The following SPG11 variants were observed in gnomAD, a reference collection of about 807,000 sequenced individuals.
SPG11 encodes SPG11 vesicle trafficking associated, spatacsin, also known as spatacsin.
Under a neutral mutation model 274.0 loss-of-function variants are expected in SPG11, and 222 were observed. That is an observed-to-expected ratio of 0.81 (90% CI 0.73 to 0.91). The LOEUF is 0.91. Ranked by LOEUF, SPG11 falls within the 40% of genes least tolerant of loss-of-function variation. The pLI is 0.00. For synonymous variants in SPG11, 1,144 were observed against 1,039.7 expected, an observed-to-expected ratio of 1.10 and a Z score of -1.93; for missense variants, 3,114 against 2,872.7, an observed-to-expected ratio of 1.08 and a Z score of -1.92.
chr15:44,613,591 T>G (rs964599919), intron 16 of SPG11, 55 bp from the exon 17 acceptor site: 30 of 1,180,108 alleles, frequency 2.5e-5, no homozygotes, highest in Non-Finnish European at 3.7e-5. Context: ...ATAAGACAAT[T>G]ACAACCATTT....
chr15:44,622,093 A>C lies in SPG11; in HGVS notation c.2444+127T>G, dbSNP rs1055936707. 1.4e-5 allele frequency: 18 copies of C among 1,251,988 alleles called. 1 individual carries two copies. In the Admixed American group the frequency reaches 2.4e-4, roughly 16 times the overall value. 77.6% of individuals were successfully genotyped at this position (1,251,988 alleles called of 1,614,324 possible). ...AACTCTCGAGTCCCTTCTGTCTGAT[A>C]CAAGTTTTATCTCCAAGGAGAATGC... is the stretch of plus-strand genomic sequence containing the variant. On this transcript the variant is annotated intron_variant, in intron 13 of 39. Transcript: ENST00000261866.
intron 39 of SPG11, among the ~76,000 whole-genome samples, chr15:44,563,547 A>G (rs1340201073): frequency 1.3e-5 from 2 of 152,194 alleles, no homozygotes; most frequent in East Asian, 3.8e-4. Context: ...TATGTTGGCT[A>G]GGCTGGTGTT....
chr15:44,569,373 C>G, intron 35 of SPG11, 25 bp downstream of exon 35: 1 of 1,504,012 alleles, frequency 6.6e-7, no homozygotes, highest in Non-Finnish European at 9.2e-7. Context: ...ACACCCCATC[C>G]TGGAGCTCAT....
At chr15:44,626,890 G>C (rs2083916387) in intron 10 of SPG11, among the ~76,000 whole-genome samples, 1 of 151,978 alleles carries the variant, frequency 6.6e-6, no homozygotes, top group South Asian at 2.1e-4. Context: ...ACCAGTAAGT[G>C]TTCCGTAGAT....
intron 27 of SPG11, among the ~76,000 whole-genome samples, chr15:44,591,687 G>T (rs1029096713): frequency 2.0e-5 from 3 of 152,214 alleles, no homozygotes; most frequent in African/African-American, 7.2e-5. Context: ...GTGAAGACCA[G>T]TGTGGCCGGA....
At chr15:44,594,367 A>G (rs2082978807) in intron 26 of SPG11, among the ~76,000 whole-genome samples, 1 of 151,718 alleles carries the variant, frequency 6.6e-6, no homozygotes, top group African/African-American at 2.4e-5. Flanking sequence ...CGGAGGTTGC[A>G]GTGAGCCGAG....
intron 20 of SPG11, among the ~76,000 whole-genome samples, chr15:44,602,304 A>G (rs186791839): frequency 6.6e-6 from 1 of 152,214 alleles, no homozygotes; most frequent in African/African-American, 2.4e-5. Flanking sequence ...ATCTTAGAGG[A>G]AAAGCTTTCA....
chr15:44,601,784 C>T (rs1413685476), intron 20 of SPG11, among the ~76,000 whole-genome samples: 1 of 152,126 alleles, frequency 6.6e-6, no homozygotes, highest in Non-Finnish European at 1.5e-5. Context: ...GTCTCGAACT[C>T]CTGGCCTCGG....
chr15:44,655,533 T>C (rs1206072942), intron 4 of SPG11, among the ~76,000 whole-genome samples: 1 of 151,912 alleles, frequency 6.6e-6, no homozygotes, highest in African/African-American at 2.4e-5. Context: ...AGAGTATCAA[T>C]ACAGTACAGT....
chr15:44,593,238 C>T (rs1202277678), intron 26 of SPG11, among the ~76,000 whole-genome samples: 2 of 152,070 alleles, frequency 1.3e-5, no homozygotes, highest in Non-Finnish European at 2.9e-5. Context: ...TTCTGTCGCC[C>T]AGGCTGGAGT....
chr15:44,651,491 C>T lies in SPG11; in HGVS notation c.1456G>A (p.Glu486Lys). The change falls in exon 6 of 40, where the codon GAG becomes AAG. Residue 486 changes from glutamate to lysine, a missense_variant and splice_region_variant. Transcript: ENST00000261866. ...TCAATCTAATACAAGACAGTCTCAC[C>T]TGTCAAAACAAAGCACAGCTGCTGG... is the stretch of plus-strand genomic sequence containing the variant. ...GDQQLCFVLT[E>K]NGLSLILFGL... The T allele has an allele frequency of 6.2e-7, 1 of 1,613,550 alleles. No individual in the cohort carries two copies.
chr15:44,590,999 A>G (rs1382585656), intron 27 of SPG11: 8 of 152,194 alleles, frequency 5.3e-5, no homozygotes, highest in Non-Finnish European at 1.2e-4. Context: ...ATGGTTTATA[A>G]AATCATGTGT....
At chr15:44,583,778 T>C (rs1595842284) in intron 30 of SPG11, 36 bp downstream of exon 30, 2 of 1,613,924 alleles carry the variant, frequency 1.2e-6, no homozygotes, top group South Asian at 1.1e-5. Flanking sequence ...AACAGTGCCA[T>C]TTAAGACTCT....
At chr15:44,587,829 A>G (rs1190062207) in intron 28 of SPG11, among the ~76,000 whole-genome samples, 1 of 152,164 alleles carries the variant, frequency 6.6e-6, no homozygotes, top group East Asian at 1.9e-4. Context: ...ATGTTTAACA[A>G]TGTAGTCAAT....
At position 44,562,961 on chromosome 15, in the gene SPG11, C is replaced by T. The variant is rs1009743974; in HGVS notation, c.*160G>A. ...ATCTATTTTAAATAGGAATTTCCTC[C>T]TGAAAAGTTTCTTACTTGCTACCTA... On this transcript the variant is annotated 3_prime_UTR_variant, in exon 40 of 40. Transcript: ENST00000261866. 1.5e-6 allele frequency: 1 copy of T among 645,778 alleles called. No individual in the cohort carries two copies. The highest frequency in any genetic ancestry group is 1.8e-5 in the African/African-American group (1 of 54,628). The allele number at this position is 645,778 out of a possible 1,614,324, so 40.0% of individuals were successfully genotyped here. A position where few individuals can be genotyped will look rare whatever the true frequency, so the allele number is the denominator to read the frequency against.
intron 7 of SPG11, among the ~76,000 whole-genome samples, chr15:44,647,379 A>G (rs549096828): frequency 6.6e-6 from 1 of 152,316 alleles, no homozygotes; most frequent in African/African-American, 2.4e-5. Context: ...GGATTCCTCA[A>G]AAATAATAAA....
At chr15:44,602,333 T>A (rs967267683) in intron 20 of SPG11, among the ~76,000 whole-genome samples, 45 of 152,344 alleles carry the variant, frequency 3.0e-4, no homozygotes, top group African/African-American at 1.1e-3. Context: ...CTGCTGAGTA[T>A]ATTAGCTGTG....
intron 19 of SPG11, among the ~76,000 whole-genome samples, chr15:44,607,801 A>G (rs2083359828): frequency 6.6e-6 from 1 of 152,232 alleles, no homozygotes; most frequent in Non-Finnish European, 1.5e-5. Flanking sequence ...TCACATTCTT[A>G]GACGTTCTGA....
At chr15:44,650,758 TC>T (rs2084748198) in intron 6 of SPG11, among the ~76,000 whole-genome samples, 1 of 152,202 alleles carries the variant, frequency 6.6e-6, no homozygotes, top group Non-Finnish European at 1.5e-5. Flanking sequence ...TACAATTTTT[TC>T]TTTTTTTTGA....
Sources: allele counts gnomAD v4.1 joint callset (sites outside exome capture counted in the v4.1 genomes callset), GRCh38; gene constraint gnomAD v4.1.1; transcripts MANE v1.5; gene names NCBI Gene and HGNC (gene_info 2026-07-23, HGNC 2026-07-21).